SLC2A7: variants seen among roughly 807,000 people sequenced by gnomAD.
SLC2A7 encodes the protein solute carrier family 2, facilitated glucose transporter member 7.
Under a neutral mutation model 50.5 loss-of-function variants are expected in SLC2A7, and 50 were observed. That is an observed-to-expected ratio of 0.99 (90% CI 0.79 to 1.25). The LOEUF is 1.25. Ranked by LOEUF, SLC2A7 falls within the 50% of genes most tolerant of loss-of-function variation. The pLI is 0.00. For synonymous variants in SLC2A7, 308 were observed against 300.4 expected, an observed-to-expected ratio of 1.03 and a Z score of -0.26; for missense variants, 683 against 679.1, an observed-to-expected ratio of 1.01 and a Z score of -0.06.
chr1:9,010,099 C>CA, intron 9 of SLC2A7, 44 bp downstream of exon 9: 2 of 1,522,310 alleles, frequency 1.3e-6, no homozygotes, highest in Non-Finnish European at 8.9e-7. Flanking sequence ...ACCTCCCACC[C>CA]TCCCCATGAC....
chr1:9,025,043 A>G lies in SLC2A7; in HGVS notation c.83T>C (p.Leu28Pro), dbSNP rs1388893954. 6.2e-7 allele frequency: 1 copy of G among 1,613,822 alleles called. No individual in the cohort carries two copies. The highest frequency in any genetic ancestry group is 1.7e-5 in the Admixed American group (1 of 60,036). The stretch of plus-strand genomic sequence containing the variant: ...GAAGGCTGAGCCAAAGGCCGCGCTC[A>G]GTGTCGCCAGCAACAGCGTCGGCTG... ...RLQPTLLLATLSAAFGSAFQY... is the reference protein window; with the variant it reads ...RLQPTLLLATPSAAFGSAFQY... Residue 28 changes from leucine to proline, a missense_variant, in exon 2 of 12, where the codon CTG becomes CCG. By Grantham distance (98) the Leu-to-Pro change is moderately conservative. Transcript: ENST00000400906.
rs761914634 is a variant in SLC2A7 at position 9,010,280 on chromosome 1, G to C, written c.1015-36C>G. ...AGGGGGACAGTGAGAAGCCGCCTTG[G>C]CCTGGCGCCCACGGTTCTTGGGCCG... is the stretch of plus-strand genomic sequence containing the variant. On this transcript the variant is annotated intron_variant, in intron 8 of 11. Transcript: ENST00000400906. 2.0e-6 allele frequency: 3 copies of C among 1,528,404 alleles called. No homozygotes were observed. The South Asian group carries it at 3.6e-5, about 18-fold the overall frequency. 94.7% of individuals were successfully genotyped at this position (1,528,404 alleles called of 1,614,324 possible).
In SLC2A7 at chr1:9,007,383, G is replaced by T; in HGVS notation, c.1119C>A (p.Asn373Lys). The T allele has an allele frequency of 1.2e-6, 2 of 1,614,160 alleles. No homozygotes were observed. The highest frequency in any genetic ancestry group is 1.7e-6 in the Non-Finnish European group (2 of 1,180,000). Residue 373 changes from asparagine (N) to lysine (K), a missense_variant and splice_region_variant, in exon 10 of 12, where the codon AAC becomes AAA. By Grantham distance (94) the Asn-to-Lys change is moderately conservative. Transcript: ENST00000400906. ...CGAGGTAGGACAGCTCGGGGACCCT[G>T]TTCTGTGGGGAGAGGCAGGGCTGTC... ...LVLTVVLLFQ[N>K]RVPELSYLGI... is the part of the protein sequence containing the mutation.
At position 9,018,213 on chromosome 1, in the gene SLC2A7, T is replaced by C; in HGVS notation, c.589+10A>G. ...CTGGACCTAGCGTGACCTCTGCGGC[T>C]GCCGGTTACCTGCCGGGTTGCCCAA... is the stretch of plus-strand genomic sequence containing the variant. On this transcript the variant is annotated intron_variant, in intron 5 of 11. Coordinates refer to ENST00000400906, the MANE Select transcript of SLC2A7 (RefSeq NM_207420.3). 2 of 1,614,036 alleles carry C rather than the reference T, an allele frequency of 1.2e-6. No individual in the cohort carries two copies. The highest frequency in any genetic ancestry group is 2.2e-5 in the East Asian group (1 of 44,874).
intron 11 of SLC2A7, 74 bp downstream of exon 11, chr1:9,004,678 G>C: frequency 1.3e-6 from 2 of 1,559,846 alleles, no homozygotes; most frequent in South Asian, 2.3e-5. Flanking sequence ...TCACAGATGT[G>C]CTTAGCGGAA....
At position 9,004,786 on chromosome 1, in the gene SLC2A7, T is replaced by C. The variant is rs985143627; in HGVS notation, c.1286A>G (p.Asn429Ser). 1 of 1,614,044 alleles carries C rather than the reference T, an allele frequency of 6.2e-7. No homozygotes were observed. Among genetic ancestry groups the C allele is most frequent in the Non-Finnish European group, 8.5e-7 (1 of 1,179,954 alleles). Reference sequence around the variant, plus strand: ...TGGGAACAGGAAGCCTATGATGAAGTTGGTGAGCCAGTGCACTGCCCCGTC... The same window carrying C: ...TGGGAACAGGAAGCCTATGATGAAGCTGGTGAGCCAGTGCACTGCCCCGTC... Reference protein sequence around the residue: ...MVDGAVHWLTNFIIGFLFPSI... With the variant: ...MVDGAVHWLTSFIIGFLFPSI... The change falls in exon 11 of 12, where the codon AAC (asparagine) becomes AGC (serine). Residue 429 changes from asparagine to serine, a missense_variant. By Grantham distance (46) the Asn-to-Ser change is conservative (BLOSUM62 1). Transcript: ENST00000400906.
chr1:9,026,114 G>C (rs1436350002), intron 1 of SLC2A7, among the ~76,000 whole-genome samples, 181 bp downstream of exon 1: 1 of 152,228 alleles, frequency 6.6e-6, no homozygotes, highest in African/African-American at 2.4e-5. Context: ...CCATGTCTGA[G>C]CCATGAGGTT....
At chr1:9,010,099 C>T (rs1212464412) in intron 9 of SLC2A7, 44 bp downstream of exon 9, 3 of 1,522,320 alleles carry the variant, frequency 2.0e-6, no homozygotes, top group South Asian at 1.2e-5. Flanking sequence ...ACCTCCCACC[C>T]TCCCCATGAC....
At chr1:9,006,396 C>T (rs1196754875) in intron 10 of SLC2A7, among the ~76,000 whole-genome samples, 2 of 152,094 alleles carry the variant, frequency 1.3e-5, no homozygotes, top group Non-Finnish European at 2.9e-5. Context: ...TACAGGCGCC[C>T]GCCAACACAC....
At chr1:9,025,177 TG>T (rs1418368999) in intron 1 of SLC2A7, 103 bp from the exon 2 acceptor site, 1 of 1,211,474 alleles carries the variant, frequency 8.3e-7, no homozygotes, top group East Asian at 2.5e-5. Context: ...AAGTGGGGGA[TG>T]GGGGATCCCA....
chr1:9,012,555 G>A (rs1243139759), intron 8 of SLC2A7, among the ~76,000 whole-genome samples: 1 of 152,128 alleles, frequency 6.6e-6, no homozygotes, highest in Non-Finnish European at 1.5e-5. Flanking sequence ...AACCTTCTGA[G>A]AGTTTACTGG....
chr1:9,023,766 GA>G (rs113303957), intron 2 of SLC2A7, among the ~76,000 whole-genome samples: 105,419 of 138,690 alleles, frequency 0.76, 39,489 homozygotes, highest in East Asian at 0.96. Context: ...GAAAAGAAAA[GA>G]AAAAAAAAAT....
At chr1:9,026,228 C>T (rs1471348691) in intron 1 of SLC2A7, 67 bp downstream of exon 1, 4 of 1,539,282 alleles carry the variant, frequency 2.6e-6, no homozygotes, top group South Asian at 1.2e-5. Flanking sequence ...CGGCCTTCAC[C>T]TCCCTCCACA....
chr1:8,997,198 C>G, the SLC2A7 span, among the ~76,000 whole-genome samples: 5 of 151,962 alleles, frequency 3.3e-5, no homozygotes, highest in African/African-American at 1.2e-4. Context: ...CCCAGTGACT[C>G]GAGAGGCTGA....
chr1:9,010,307 G>T, intron 8 of SLC2A7, 63 bp from the exon 9 acceptor site: 1 of 1,348,118 alleles, frequency 7.4e-7, no homozygotes, highest in Non-Finnish European at 1.0e-6. Flanking sequence ...CTTGGGCCGA[G>T]CCTCCACTTC....
rs906505528 is a variant in SLC2A7, at chr1:9,008,708, T to C, written c.1117-1323A>G. On this transcript the variant is annotated intron_variant, in intron 9 of 11. Coordinates refer to ENST00000400906, the MANE Select transcript of SLC2A7 (RefSeq NM_207420.3). The surrounding 1 kb of genome is among the most constrained non-coding windows in gnomAD (Gnocchi z 5.9). Reference sequence around the variant, plus strand: ...GCCTCCTGAGTTCAAGTGATTCTCCTGCCTCAGCCTCCCGAGTAACTGGGA... The same window carrying C: ...GCCTCCTGAGTTCAAGTGATTCTCCCGCCTCAGCCTCCCGAGTAACTGGGA... 2.0e-5 allele frequency among the ~76,000 whole-genome samples: 3 copies of C among 151,880 alleles called. No individual in the cohort carries two copies. The highest frequency in any genetic ancestry group is 4.4e-5 in the Non-Finnish European group (3 of 67,984).
At chr1:9,025,182 G>C in intron 1 of SLC2A7, 108 bp from the exon 2 acceptor site, 1 of 1,159,222 alleles carries the variant, frequency 8.6e-7, no homozygotes, top group Admixed American at 2.1e-5. Flanking sequence ...GGGGATGGGG[G>C]ATCCCAGGCC....
intron 6 of SLC2A7, 124 bp from the exon 7 acceptor site, chr1:9,014,992 C>T (rs1640807240): frequency 3.3e-6 from 5 of 1,515,420 alleles, no homozygotes; most frequent in African/African-American, 2.7e-5. Context: ...GTTGCCACCC[C>T]CCCACCCCGT....
intron 1 of SLC2A7, 28 bp from the exon 2 acceptor site, chr1:9,025,102 CG>C: frequency 6.2e-7 from 1 of 1,610,418 alleles, no homozygotes; most frequent in African/African-American, 1.3e-5. Context: ...AAGGTCGGGA[CG>C]CTGTGGGCTT....
Sources: gnomAD v4.1 joint callset for allele counts (sites outside exome capture counted in the v4.1 genomes callset) on GRCh38, gnomAD v4.1.1 for gene constraint, Gnocchi (gnomAD v3.1) non-coding constraint, MANE v1.5 for transcripts, NCBI Gene and HGNC (gene_info 2026-07-23, HGNC 2026-07-21) for gene names.